SNTG1: variants seen among roughly 807,000 people sequenced by gnomAD.
SNTG1 encodes gamma-1-syntrophin.
A neutral mutation model predicts 74.7 loss-of-function variants in SNTG1; 39 were observed. The observed-to-expected ratio is 0.52, with a 90% CI of 0.40 to 0.68. The LOEUF is 0.68. Among genes scored for constraint, SNTG1 ranks in the 30% least tolerant of loss-of-function variants. The pLI, the probability that SNTG1 is intolerant of heterozygous loss-of-function variation, is 0.00. For synonymous variants in SNTG1, 254 were observed against 217.1 expected (o/e 1.17, Z -1.49); for missense variants, 685 against 609.5 (o/e 1.12, Z -1.30).
chr8:50,717,663 G>A (rs1485692536), intron 17 of SNTG1, among the ~76,000 whole-genome samples: 3 of 152,156 alleles, frequency 2.0e-5, no homozygotes, highest in Admixed American at 6.5e-5. Context: ...AGTTGCTTCT[G>A]CAAATCATAC....
chr8:50,771,334 A>G lies in SNTG1; in HGVS notation c.1395+19223A>G, dbSNP rs375887465. Among the ~76,000 whole-genome samples, 3 of 152,158 alleles carry G rather than the reference A, an allele frequency of 2.0e-5. No individual in the cohort carries two copies. In the East Asian group the frequency reaches 5.8e-4, roughly 29 times the overall value. ...ATATGCCTATTACACCCTTGCAAAG[A>G]ACCTGACTGCATTATGTCGATGCCC... On this transcript the variant is annotated intron_variant, in intron 18 of 18. Coordinates refer to ENST00000642720, the MANE Select transcript of SNTG1 (RefSeq NM_018967.5).
At chr8:50,226,670 C>A (rs547906383) in intron 2 of SNTG1, among the ~76,000 whole-genome samples, 47 of 152,136 alleles carry the variant, frequency 3.1e-4, no homozygotes, top group African/African-American at 1.1e-3. Flanking sequence ...GAAGCCCCCC[C>A]ACCCACTTTG....
At chr8:50,231,003 G>A (rs953699217) in intron 2 of SNTG1, among the ~76,000 whole-genome samples, 14 of 150,754 alleles carry the variant, frequency 9.3e-5, no homozygotes, top group Non-Finnish European at 1.8e-4. Context: ...ATCTGATAAG[G>A]GATTAATATC....
chr8:50,772,561 A>T (rs948876259), intron 18 of SNTG1, among the ~76,000 whole-genome samples: 2 of 152,136 alleles, frequency 1.3e-5, no homozygotes, highest in African/African-American at 2.4e-5. Flanking sequence ...TTTCAAGGTG[A>T]TGCTGGAAAA....
intron 1 of SNTG1, among the ~76,000 whole-genome samples, chr8:50,113,307 G>A (rs1021652998): frequency 1.4e-4 from 22 of 152,220 alleles, no homozygotes; most frequent in African/African-American, 5.3e-4. Context: ...CCTTGAAGAG[G>A]TCCTTCACAT....
At chr8:50,207,915 A>AC (rs2084324220) in intron 2 of SNTG1, among the ~76,000 whole-genome samples, 1 of 152,312 alleles carries the variant, frequency 6.6e-6, no homozygotes, top group Admixed American at 6.5e-5. Context: ...GTTTGATTGC[A>AC]CTGTGATCTC....
In SNTG1 at chr8:50,446,994, TATA is replaced by T. The variant is rs1310924564; in HGVS notation, c.220-2667_220-2665del. Reference sequence around the variant, plus strand: ...ACAATAACTAATAATAAAATGGAATTATAATAATACACTGTAATAAAAGTTATG... The same window carrying T: ...ACAATAACTAATAATAAAATGGAATTATAATACACTGTAATAAAAGTTATG... On this transcript the variant is annotated intron_variant, in intron 5 of 18. Coordinates refer to ENST00000642720, the MANE Select transcript of SNTG1 (RefSeq NM_018967.5). 9.9e-5 allele frequency among the ~76,000 whole-genome samples: 15 copies of T among 151,310 alleles called. No homozygotes were observed. The East Asian group carries it at 1.2e-3, about 12-fold the overall frequency.
At chr8:50,416,252 T>TTCC (rs2093012156) in intron 4 of SNTG1, among the ~76,000 whole-genome samples, 2 of 152,170 alleles carry the variant, frequency 1.3e-5, no homozygotes, top group African/African-American at 4.8e-5. Context: ...ACACTAAATA[T>TTCC]TCCTGGATTG....
chr8:50,741,982 A>T (rs1041499985), intron 17 of SNTG1, among the ~76,000 whole-genome samples: 2 of 152,056 alleles, frequency 1.3e-5, no homozygotes, highest in Admixed American at 1.3e-4. Flanking sequence ...AGTATTTATA[A>T]CACCAAAAGT....
At chr8:50,682,801 C>T (rs1308105349) in intron 15 of SNTG1, among the ~76,000 whole-genome samples, 1 of 152,200 alleles carries the variant, frequency 6.6e-6, no homozygotes, top group East Asian at 1.9e-4. Context: ...CCCAATAACT[C>T]AGACCAATTC....
intron 14 of SNTG1, among the ~76,000 whole-genome samples, chr8:50,657,358 A>G (rs2095189542): frequency 1.3e-5 from 2 of 152,178 alleles, no homozygotes; most frequent in African/African-American, 4.8e-5. Flanking sequence ...TATTTTGTTT[A>G]TGGAATAAAA....
At chr8:50,224,790 A>G (rs2085245657) in intron 2 of SNTG1, among the ~76,000 whole-genome samples, 1 of 152,174 alleles carries the variant, frequency 6.6e-6, no homozygotes, top group African/African-American at 2.4e-5. Flanking sequence ...CAGACTCTGT[A>G]GCAATAAAAT....
intron 2 of SNTG1, among the ~76,000 whole-genome samples, chr8:50,186,089 C>T (rs2083372552): frequency 6.6e-6 from 1 of 152,092 alleles, no homozygotes; most frequent in South Asian, 2.1e-4. Context: ...GGAGTGAGAA[C>T]ATGCAGTGTT....
chr8:50,249,473 CT>C (rs1428853465), intron 2 of SNTG1, among the ~76,000 whole-genome samples: 6 of 152,214 alleles, frequency 3.9e-5, no homozygotes, highest in Non-Finnish European at 7.3e-5. Flanking sequence ...TGACAGCTTC[CT>C]AGAGGTAAAC....
intron 1 of SNTG1, among the ~76,000 whole-genome samples, chr8:50,148,766 A>G (rs1292369693): frequency 1.3e-5 from 2 of 152,208 alleles, no homozygotes; most frequent in Non-Finnish European, 2.9e-5. Context: ...TCCATGGTCT[A>G]TATGTGCCAC....
intron 1 of SNTG1, among the ~76,000 whole-genome samples, chr8:50,151,760 C>T (rs536014386): frequency 6.6e-6 from 1 of 152,160 alleles, no homozygotes; most frequent in Non-Finnish European, 1.5e-5. Context: ...TTTGATTGCA[C>T]TGTGGTCTGA....
intron 1 of SNTG1, among the ~76,000 whole-genome samples, chr8:50,069,933 G>T (rs1393404288): frequency 6.6e-6 from 1 of 152,022 alleles, no homozygotes; most frequent in Non-Finnish European, 1.5e-5. Flanking sequence ...CAGCCTGTGG[G>T]TGCTTCTGTG....
chr8:50,191,549 G>T (rs72640717), intron 2 of SNTG1, among the ~76,000 whole-genome samples: 1,584 of 152,224 alleles, frequency 0.01, 15 homozygotes, highest in Non-Finnish European at 0.016. Context: ...ATTATGAGGG[G>T]AAACTGTTCT....
chr8:50,245,277 G>T (rs1317454679), intron 2 of SNTG1, among the ~76,000 whole-genome samples: 2 of 152,126 alleles, frequency 1.3e-5, no homozygotes, highest in Non-Finnish European at 2.9e-5. Context: ...ACAATTCCTT[G>T]ATTTGAGACA....
Sources: gnomAD v4.1 joint callset for allele counts (sites outside exome capture counted in the v4.1 genomes callset) on GRCh38, gnomAD v4.1.1 for gene constraint, MANE v1.5 for transcripts, NCBI Gene and HGNC (gene_info 2026-07-23, HGNC 2026-07-21) for gene names.